ZP3: variants seen among roughly 807,000 people sequenced by gnomAD.
The protein encoded by ZP3 is zona pellucida glycoprotein 3.
In ZP3, 21 loss-of-function variants were observed where a neutral mutation model predicts 35.6. The ratio of observed to expected loss-of-function variants is 0.59; its 90% confidence interval spans 0.42 to 0.85. ZP3 has a LOEUF of 0.85. ZP3 is among the 40% of genes least tolerant of loss of function. The probability of loss-of-function intolerance (pLI) is 0.00; values close to 1 mark genes in which losing one functional copy is unlikely to be tolerated. For synonymous variants in ZP3, 207 were observed against 214.5 expected (o/e 0.96, Z 0.31); for missense variants, 437 against 536.5 (o/e 0.81, Z 1.83).
chr7:76,428,069 G>GTA (rs1805719213), intron 1 of ZP3, among the ~76,000 whole-genome samples: 1 of 151,420 alleles, frequency 6.6e-6, no homozygotes, highest in African/African-American at 2.4e-5. Flanking sequence ...GCTCACACCT[G>GTA]TAATCCAGCA....
chr7:76,433,568 T>A lies in ZP3; in HGVS notation c.634T>A (p.Leu212Met), dbSNP rs1805902144. The A allele has an allele frequency of 1.2e-6, 2 of 1,614,072 alleles. No individual in the cohort carries two copies. The highest frequency in any genetic ancestry group is 3.3e-5 in the Admixed American group (2 of 59,990). The change falls in exon 4 of 8, where the codon TTG (leucine) becomes ATG (methionine). Residue 212 changes from leucine (L) to methionine (M), a missense_variant. Coordinates refer to ENST00000394857, the MANE Select transcript of ZP3 (RefSeq NM_001110354.2). ...CACTGGCAGCCACGTGCCACTGCGG[T>A]TGTTTGTGGACCACTGCGTGGCCAC... is the stretch of plus-strand genomic sequence containing the variant. ...IHTGSHVPLR[L>M]FVDHCVATPT...
At position 76,399,303 on chromosome 7, in the gene ZP3, G is replaced by A. The variant is rs545932655; in HGVS notation, c.-67+1506G>A. Among the ~76,000 whole-genome samples the A allele has an allele frequency of 1.1e-3, 164 of 152,076 alleles. 1 individual carries two copies. The highest frequency in any genetic ancestry group is 3.6e-3 in the African/African-American group (149 of 41,498). On this transcript the variant is annotated intron_variant, in intron 1 of 8. Transcript: ENST00000336517. ...GCTGGAATTACAGGCATGAGCCACC[G>A]TGCCCAGCCTGAAGCACAGTTCTTA...
At chr7:76,401,108 C>T in intron 1 of ZP3, 1 of 1,480,256 alleles carries the variant, frequency 6.8e-7, no homozygotes, top group Admixed American at 2.4e-5. Flanking sequence ...GTCCCAGGAA[C>T]ACACCCCCCA....
chr7:76,435,083 G>A (rs1358626223), intron 5 of ZP3, among the ~76,000 whole-genome samples: 3 of 152,192 alleles, frequency 2.0e-5, no homozygotes, highest in South Asian at 2.1e-4. Flanking sequence ...GCGGTGGCTC[G>A]TGCCCATAAT....
chr7:76,400,932 T>C (rs1804803620), intron 1 of ZP3: 2 of 1,541,570 alleles, frequency 1.3e-6, no homozygotes, highest in Non-Finnish European at 1.8e-6. Flanking sequence ...AGTCATCACT[T>C]CCTGTGGTTC....
intron 1 of ZP3, among the ~76,000 whole-genome samples, chr7:76,417,495 A>G (rs1423563913): frequency 6.6e-6 from 1 of 152,174 alleles, no homozygotes; most frequent in African/African-American, 2.4e-5. Context: ...ATCACTATGT[A>G]TGTATATGTG....
chr7:76,407,180 G>A (rs1805062554), intron 1 of ZP3, among the ~76,000 whole-genome samples: 1 of 152,070 alleles, frequency 6.6e-6, no homozygotes, highest in Non-Finnish European at 1.5e-5. Flanking sequence ...TGGCTGGTCT[G>A]GAACTCCTGA....
In ZP3 at chr7:76,437,668, T is replaced by G. The variant is rs1199085297; in HGVS notation, c.832-2582T>G. Among the ~76,000 whole-genome samples, 9 of 150,006 alleles carry G rather than the reference T, an allele frequency of 6.0e-5. No homozygotes were observed. The East Asian group carries it at 9.8e-4, about 16-fold the overall frequency. On this transcript the variant is annotated intron_variant, in intron 5 of 7. Coordinates refer to ENST00000394857, the MANE Select transcript of ZP3 (RefSeq NM_001110354.2). ...TGCCCAGCTAATTTCTGTATTTTTT[T>G]TTTTTTTTTTAGTAGAGATGGGGTT... is the stretch of plus-strand genomic sequence containing the variant.
upstream of ZP3, among the ~76,000 whole-genome samples, chr7:76,421,519 G>T (rs1372370571): frequency 6.6e-6 from 1 of 152,044 alleles, no homozygotes; most frequent in East Asian, 1.9e-4. Flanking sequence ...CTCCCAAAGT[G>T]CTGAGATTAC....
At chr7:76,429,417 G>T (rs140589368) in intron 1 of ZP3, 98 bp from the exon 2 acceptor site, 45 of 1,143,224 alleles carry the variant, frequency 3.9e-5, no homozygotes, top group Non-Finnish European at 2.9e-5. Flanking sequence ...TGGTCTTTCT[G>T]TCCCCTTGTG....
intron 2 of ZP3, among the ~76,000 whole-genome samples, chr7:76,432,427 G>A (rs555208373): frequency 1.3e-5 from 2 of 152,094 alleles, no homozygotes; most frequent in African/African-American, 2.4e-5. Flanking sequence ...CTCATGATCC[G>A]CCCGCCTCGG....
intron 5 of ZP3, among the ~76,000 whole-genome samples, chr7:76,437,206 C>T (rs1276380396): frequency 2.9e-4 from 36 of 123,890 alleles, no homozygotes; most frequent in Middle Eastern, 8.6e-3. Flanking sequence ...GACAGAGTCT[C>T]GCTCTGTCAC....
At chr7:76,421,658 A>G (rs894008347), upstream of ZP3, among the ~76,000 whole-genome samples, 12 of 150,658 alleles carry the variant, frequency 8.0e-5, no homozygotes, top group African/African-American at 2.9e-4. Context: ...GCAGTGGCGC[A>G]ATCTCGGCTC....
chr7:76,426,874 C>CCACACACACACACA (rs369991319), intron 1 of ZP3, among the ~76,000 whole-genome samples: 3 of 126,692 alleles, frequency 2.4e-5, no homozygotes, highest in African/African-American at 6.2e-5. Context: ...CTACCAAACA[C>CCACACACACACACA]CACACACACA....
intron 1 of ZP3, among the ~76,000 whole-genome samples, chr7:76,419,713 C>A (rs1805461309): frequency 6.7e-6 from 1 of 149,254 alleles, no homozygotes; most frequent in African/African-American, 2.5e-5. Context: ...TCCTTCCTCC[C>A]TCCCTCTCCC....
At chr7:76,423,025 G>GAGAGAAAGAAAGAAAGAAAGAA (rs1278384225), upstream of ZP3, among the ~76,000 whole-genome samples, 115 of 75,778 alleles carry the variant, frequency 1.5e-3, no homozygotes, top group South Asian at 2.1e-3. Context: ...GAGAGAGAGA[G>GAGAGAAAGAAAGAAAGAAAGAA]AGAAAGAAAG....
chr7:76,436,833 GT>G (rs1806030385), intron 5 of ZP3, among the ~76,000 whole-genome samples: 3 of 152,270 alleles, frequency 2.0e-5, no homozygotes. Flanking sequence ...CACAGAGGTG[GT>G]AGCGGTCAGC....
exon 1 of ZP3, chr7:76,397,605 C>A: frequency 6.2e-7 from 1 of 1,610,268 alleles, no homozygotes; most frequent in South Asian, 1.1e-5. Context: ...CGGGGCTCGC[C>A]GCCTTCGCAG....
At chr7:76,418,434 C>A (rs1189489879) in intron 1 of ZP3, among the ~76,000 whole-genome samples, 1 of 151,270 alleles carries the variant, frequency 6.6e-6, no homozygotes, top group Admixed American at 6.6e-5. Flanking sequence ...ACCTGTAATC[C>A]CAGCTACTCA....
Sources: gnomAD v4.1 joint callset for allele counts (sites outside exome capture counted in the v4.1 genomes callset) on GRCh38, gnomAD v4.1.1 for gene constraint, MANE v1.5 for transcripts, NCBI Gene and HGNC (gene_info 2026-07-23, HGNC 2026-07-21) for gene names.